TGFBR1: variants seen among roughly 807,000 people sequenced by gnomAD.
TGFBR1 encodes transforming growth factor beta receptor 1, also known as TGF-beta receptor type-1.
TGFBR1 carries 20 observed loss-of-function variants against 55.1 expected under a neutral mutation model. The ratio of observed to expected loss-of-function variants is 0.36; its 90% confidence interval spans 0.26 to 0.53. The LOEUF (loss-of-function observed/expected upper bound fraction) is 0.53, where lower values mean the gene tolerates loss of function less well. TGFBR1 is among the 20% of genes least tolerant of loss of function. The pLI is 0.91. For missense variants in TGFBR1, 385 were observed against 617.6 expected (o/e 0.62, Z 3.99); for synonymous variants, 220 against 214.8 (o/e 1.02, Z -0.21).
At chr9:99,105,329 A>C in intron 1 of TGFBR1, 27 bp downstream of exon 1, 1 of 978,554 alleles carries the variant, frequency 1.0e-6, no homozygotes. Flanking sequence ...CGGGCGGGCG[A>C]CTGCGGGGCG....
intron 1 of TGFBR1, among the ~76,000 whole-genome samples, chr9:99,122,015 C>G (rs1221519829): frequency 6.6e-6 from 1 of 152,056 alleles, no homozygotes; most frequent in Non-Finnish European, 1.5e-5. Context: ...CATATAAAAA[C>G]TAATAAAGAA....
Position 99,144,778 on chromosome 9 carries a change from G to T in TGFBR1, c.1020G>T (p.Leu340Phe). The T allele has an allele frequency of 6.2e-7, 1 of 1,613,876 alleles. No individual in the cohort carries two copies. Among genetic ancestry groups the T allele is most frequent in the Non-Finnish European group, 8.5e-7 (1 of 1,179,894 alleles). ...GAGATTTGAAATCAAAGAATATCTT[G>T]GTAAAGAAGAATGGAACTTGCTGTA... ...AHRDLKSKNI[L>F]VKKNGTCCIA... Residue 340 changes from leucine to phenylalanine, a missense_variant, in exon 6 of 9, where the codon TTG (leucine) becomes TTT (phenylalanine). Physicochemically the swap from Leu to Phe is conservative, Grantham distance 22 (BLOSUM62 0). Transcript: ENST00000374994.
intron 1 of TGFBR1, among the ~76,000 whole-genome samples, chr9:99,111,962 G>A (rs571579431): frequency 1.3e-5 from 2 of 152,286 alleles, no homozygotes; most frequent in South Asian, 4.1e-4. Context: ...GGAGGATAGG[G>A]CTTTGAGTGG....
At chr9:99,119,533 TA>T (rs894284281) in intron 1 of TGFBR1, among the ~76,000 whole-genome samples, 32 of 152,242 alleles carry the variant, frequency 2.1e-4, no homozygotes, top group African/African-American at 4.6e-4. Flanking sequence ...GGAATAAATC[TA>T]GATTATGTTG....
intron 4 of TGFBR1, among the ~76,000 whole-genome samples, chr9:99,142,140 C>G (rs146739436): frequency 7.8e-4 from 118 of 152,238 alleles, no homozygotes; most frequent in African/African-American, 2.7e-3. Context: ...CTCCTTGCTT[C>G]CCTCTCTGTT....
chr9:99,132,770 A>C, intron 3 of TGFBR1, 31 bp downstream of exon 3: 1 of 1,613,348 alleles, frequency 6.2e-7, no homozygotes, highest in Non-Finnish European at 8.5e-7. Context: ...TTTTCCTAAG[A>C]CATCTTTTTA....
rs201913378 is a variant in TGFBR1, at chr9:99,154,175, A to T, written c.*4870A>T. On this transcript the variant is annotated 3_prime_UTR_variant, in exon 9 of 9. Coordinates refer to ENST00000374994, the MANE Select transcript of TGFBR1 (RefSeq NM_004612.4). Reference sequence around the variant, plus strand: ...GAAAGTTGGAAAAAAAGTGAAATTAAAGACATTCCCAGACAAATACTAAGA... The same window carrying T: ...GAAAGTTGGAAAAAAAGTGAAATTATAGACATTCCCAGACAAATACTAAGA... The T allele has an allele frequency of 9.9e-5, 22 of 221,834 alleles. No homozygotes were observed. The highest frequency in any genetic ancestry group is 1.6e-4 in the Non-Finnish European group (18 of 110,798). 13.7% of individuals were successfully genotyped at this position (221,834 alleles called of 1,614,324 possible). A position where few individuals can be genotyped will look rare whatever the true frequency, so the allele number is the denominator to read the frequency against.
At chr9:99,143,872 C>T (rs1827703388) in intron 5 of TGFBR1, among the ~76,000 whole-genome samples, 1 of 152,196 alleles carries the variant, frequency 6.6e-6, no homozygotes, top group Non-Finnish European at 1.5e-5. Context: ...TTTGCTTATT[C>T]TGCACATTTT....
intron 1 of TGFBR1, among the ~76,000 whole-genome samples, chr9:99,122,019 TAAAG>T (rs1445359529): frequency 3.3e-5 from 5 of 152,022 alleles, no homozygotes; most frequent in African/African-American, 9.7e-5. Context: ...TAAAAACTAA[TAAAG>T]AAAGGGTGGT....
chr9:99,123,756 TGG>T (rs1305002098), intron 1 of TGFBR1, among the ~76,000 whole-genome samples: 2 of 152,210 alleles, frequency 1.3e-5, no homozygotes, highest in African/African-American at 2.4e-5. Context: ...TCTGTTAGTC[TGG>T]GATTCTACAG....
Position 99,149,608 on chromosome 9 carries a change from A to G in TGFBR1, c.*303A>G, listed in dbSNP as rs1022970864. On this transcript the variant is annotated 3_prime_UTR_variant, in exon 9 of 9. Coordinates refer to ENST00000374994, the MANE Select transcript of TGFBR1 (RefSeq NM_004612.4). ...TGATTGCTGGTCTTAACTTTAGGTA[A>G]CTCTGCTGTGCTGGAGATCATCTTT... The G allele has an allele frequency of 2.5e-6, 1 of 406,776 alleles. No homozygotes were observed. The highest frequency in any genetic ancestry group is 4.1e-5 in the Admixed American group (1 of 24,632). 25.2% of individuals were successfully genotyped at this position (406,776 alleles called of 1,614,324 possible).
intron 1 of TGFBR1, among the ~76,000 whole-genome samples, chr9:99,114,775 T>A (rs1826685860): frequency 6.6e-6 from 1 of 152,238 alleles, no homozygotes; most frequent in African/African-American, 2.4e-5. Flanking sequence ...TTGGTGTGTC[T>A]CCATTTGATA....
rs192247094 is a variant in TGFBR1 at position 99,129,146 on chromosome 9, T to G, written c.343+46T>G. The G allele has an allele frequency of 3.2e-3, 5,086 of 1,596,754 alleles. 21 individuals carry two copies. The highest frequency in any genetic ancestry group is 3.6e-3 in the Non-Finnish European group (4,160 of 1,165,976). ...TTCCTAGATACTACAAGAAAAACTC[T>G]TCATACTCTGTGATTTTAGAACTGG... is the stretch of plus-strand genomic sequence containing the variant. On this transcript the variant is annotated intron_variant, in intron 2 of 8. Coordinates refer to ENST00000374994, the MANE Select transcript of TGFBR1 (RefSeq NM_004612.4).
At position 99,151,644 on chromosome 9, in the gene TGFBR1, G is replaced by T. The variant is rs1376340281; in HGVS notation, c.*2339G>T. 1 of 228,766 alleles carries T rather than the reference G, an allele frequency of 4.4e-6. No individual in the cohort carries two copies. The highest frequency in any genetic ancestry group is 8.7e-6 in the Non-Finnish European group (1 of 115,214). The allele number at this position is 228,766 out of a possible 1,614,324, so 14.2% of individuals were successfully genotyped here. ...TTACAATTATACTTTTCTTACCTAA[G>T]TGGATAAAATGTACTTTTGATGAAT... On this transcript the variant is annotated 3_prime_UTR_variant, in exon 9 of 9. Transcript: ENST00000374994.
chr9:99,106,166 C>T (rs1826409663), intron 1 of TGFBR1, among the ~76,000 whole-genome samples: 1 of 152,238 alleles, frequency 6.6e-6, no homozygotes, highest in African/African-American at 2.4e-5. Context: ...GAAGGAACAT[C>T]ACTCACGTTG....
At chr9:99,146,731 TGCC>T in intron 7 of TGFBR1, 122 bp downstream of exon 7, 1 of 1,487,918 alleles carries the variant, frequency 6.7e-7, no homozygotes, top group African/African-American at 1.4e-5. Context: ...TGTCACCGAG[TGCC>T]AGAGAAAACA....
chr9:99,149,165 T>TA lies in TGFBR1; in HGVS notation c.1387-14dup, dbSNP rs863223800. On this transcript the variant is annotated splice_polypyrimidine_tract_variant and intron_variant, in intron 8 of 8. Transcript: ENST00000374994. The stretch of plus-strand genomic sequence containing the variant: ...TGGTGCATGCATTAATTTTTTTTTT[T>TA]ATATTTTCTTGTAGGCCTTGAGAGT... 2.4e-4 allele frequency: 380 copies of TA among 1,574,682 alleles called. 1 individual carries two copies. The African/African-American group carries it at 4.8e-3, about 20-fold the overall frequency.
intron 1 of TGFBR1, among the ~76,000 whole-genome samples, chr9:99,123,281 A>G (rs1389590714): frequency 6.6e-6 from 1 of 152,104 alleles, no homozygotes; most frequent in Non-Finnish European, 1.5e-5. Context: ...TGTAAATTGT[A>G]TTCAGATTTT....
chr9:99,141,053 G>A (rs576746023), intron 4 of TGFBR1, among the ~76,000 whole-genome samples: 15 of 152,208 alleles, frequency 9.9e-5, no homozygotes, highest in African/African-American at 3.1e-4. Context: ...TTCCACCCCC[G>A]GCAGCCCTTT....
Sources: allele counts gnomAD v4.1 joint callset (sites outside exome capture counted in the v4.1 genomes callset), GRCh38; gene constraint gnomAD v4.1.1; transcripts MANE v1.5; gene names NCBI Gene and HGNC (gene_info 2026-07-23, HGNC 2026-07-21).